Variants in LRMDA observed in about 807,000 individuals in gnomAD.
The protein encoded by LRMDA is leucine-rich melanocyte differentiation-associated protein.
A neutral mutation model predicts 29.8 loss-of-function variants in LRMDA; 18 were observed. The ratio of observed to expected loss-of-function variants is 0.60; its 90% confidence interval spans 0.42 to 0.90. The LOEUF is 0.90. Among genes scored for constraint, LRMDA ranks in the 40% least tolerant of loss-of-function variants. LRMDA has a pLI of 0.00. For missense variants in LRMDA, 273 were observed against 273.9 expected, an observed-to-expected ratio of 1.00 and a Z score of 0.02; for synonymous variants, 125 against 109.4, an observed-to-expected ratio of 1.14 and a Z score of -0.89.
Position 75,442,444 on chromosome 10 carries a change from A to T in LRMDA, c.131+3950A>T, listed in dbSNP as rs149983383. 5.3e-3 allele frequency among the ~76,000 whole-genome samples: 809 copies of T among 152,334 alleles called. 7 individuals carry two copies. The highest frequency in any genetic ancestry group is 0.018 in the African/African-American group (751 of 41,586). ...TCAATTGTTTTGTATATGGTGTGAG[A>T]TAAGAGATCAGTTTTTTCTTCCACA... On this transcript the variant is annotated intron_variant, in intron 2 of 6. Coordinates refer to ENST00000611255, the MANE Select transcript of LRMDA (RefSeq NM_001305581.2).
intron 2 of LRMDA, among the ~76,000 whole-genome samples, chr10:75,915,730 G>A (rs1454570984): frequency 6.6e-6 from 1 of 152,168 alleles, no homozygotes; most frequent in Admixed American, 6.5e-5. Context: ...CCAGGTGACT[G>A]GGCTAGGCAG....
At chr10:76,409,939 C>T (rs181922054) in intron 6 of LRMDA, among the ~76,000 whole-genome samples, 2 of 152,254 alleles carry the variant, frequency 1.3e-5, no homozygotes, top group African/African-American at 4.8e-5. Flanking sequence ...GTTATGGGAA[C>T]ATTTGAAGGA....
intron 2 of LRMDA, among the ~76,000 whole-genome samples, chr10:76,031,657 C>T (rs1009636896): frequency 6.6e-6 from 1 of 152,064 alleles, no homozygotes; most frequent in Non-Finnish European, 1.5e-5. Flanking sequence ...GGTCTGGGGG[C>T]CTAGCCAGGG....
At chr10:76,465,313 G>T (rs553108553) in intron 6 of LRMDA, among the ~76,000 whole-genome samples, 1 of 152,210 alleles carries the variant, frequency 6.6e-6, no homozygotes, top group South Asian at 2.1e-4. Context: ...TGGTTCTTTT[G>T]TGACTTGAGC....
At chr10:76,480,829 T>C (rs780377391) in intron 6 of LRMDA, among the ~76,000 whole-genome samples, 3 of 151,964 alleles carry the variant, frequency 2.0e-5, no homozygotes. Context: ...GGTTTGACTC[T>C]ATGAATAACC....
intron 6 of LRMDA, among the ~76,000 whole-genome samples, chr10:76,376,775 G>C (rs1000939305): frequency 2.8e-5 from 4 of 144,966 alleles, no homozygotes; most frequent in Non-Finnish European, 6.0e-5. Context: ...ACTGGTATAT[G>C]ATGGCATCTC....
At chr10:76,406,061 CAA>C (rs1841898570) in intron 6 of LRMDA, among the ~76,000 whole-genome samples, 1 of 152,200 alleles carries the variant, frequency 6.6e-6, no homozygotes, top group South Asian at 2.1e-4. Flanking sequence ...AATTGCCAAA[CAA>C]GAGGAACAAC....
At chr10:76,197,919 CAA>C (rs574293527) in intron 5 of LRMDA, among the ~76,000 whole-genome samples, 1 of 139,048 alleles carries the variant, frequency 7.2e-6, no homozygotes, top group Non-Finnish European at 1.6e-5. Flanking sequence ...TACTCCATTT[CAA>C]AAAAAAAAAA....
intron 5 of LRMDA, among the ~76,000 whole-genome samples, chr10:76,285,968 C>A (rs1840265986): frequency 6.6e-6 from 1 of 152,108 alleles, no homozygotes; most frequent in Admixed American, 6.6e-5. Context: ...AATCTTTATT[C>A]TGGATATGTG....
intron 6 of LRMDA, among the ~76,000 whole-genome samples, chr10:76,332,462 T>G (rs952042758): frequency 6.6e-6 from 1 of 152,176 alleles, no homozygotes; most frequent in African/African-American, 2.4e-5. Context: ...GAATCTGGTT[T>G]TTCTCTCCCA....
At chr10:76,457,818 C>A (rs145762393) in intron 6 of LRMDA, among the ~76,000 whole-genome samples, 46 of 152,244 alleles carry the variant, frequency 3.0e-4, no homozygotes, top group Admixed American at 2.5e-3. Flanking sequence ...TCCTTAGGAG[C>A]AATCGTTCAG....
At chr10:76,181,366 C>G (rs1021486375) in intron 5 of LRMDA, among the ~76,000 whole-genome samples, 3 of 152,170 alleles carry the variant, frequency 2.0e-5, no homozygotes, top group African/African-American at 7.2e-5. Flanking sequence ...TTTGACTCAT[C>G]GTCAGTACTT....
chr10:75,730,409 C>A (rs1163833016), intron 2 of LRMDA, among the ~76,000 whole-genome samples: 5 of 152,068 alleles, frequency 3.3e-5, no homozygotes, highest in Non-Finnish European at 7.3e-5. Context: ...CCTCCCGACC[C>A]CCGATGGTGC....
chr10:76,275,561 C>T (rs16933152), intron 5 of LRMDA, among the ~76,000 whole-genome samples: 9,299 of 152,012 alleles, frequency 0.061, 774 homozygotes, highest in African/African-American at 0.19. Flanking sequence ...CAAACTGTTG[C>T]TCTGTCAGTA....
intron 2 of LRMDA, among the ~76,000 whole-genome samples, chr10:75,446,751 T>C (rs1020158933): frequency 6.6e-6 from 1 of 152,212 alleles, no homozygotes; most frequent in Admixed American, 6.5e-5. Flanking sequence ...GTCCCTGATA[T>C]TCCATAGGCT....
At chr10:76,231,841 C>G (rs1852064455) in intron 5 of LRMDA, among the ~76,000 whole-genome samples, 2 of 152,180 alleles carry the variant, frequency 1.3e-5, no homozygotes, top group African/African-American at 4.8e-5. Context: ...ATCTCACACA[C>G]AGTTAGTTTG....
At chr10:76,099,561 C>A (rs1407728565) in intron 5 of LRMDA, among the ~76,000 whole-genome samples, 2 of 147,356 alleles carry the variant, frequency 1.4e-5, no homozygotes, top group Admixed American at 6.8e-5. Flanking sequence ...TCCCTCTGAG[C>A]CCTGCTTTAG....
At chr10:76,540,174 T>C (rs1454896611) in intron 6 of LRMDA, among the ~76,000 whole-genome samples, 1 of 152,012 alleles carries the variant, frequency 6.6e-6, no homozygotes, top group East Asian at 1.9e-4. Flanking sequence ...ACGCAAAACA[T>C]GCAACACACA....
intron 2 of LRMDA, among the ~76,000 whole-genome samples, chr10:76,032,005 G>C (rs775469709): frequency 7.2e-5 from 11 of 152,214 alleles, no homozygotes; most frequent in Non-Finnish European, 1.6e-4. Context: ...TAGATCCAAG[G>C]ATTGATCCAG....
Sources: allele counts gnomAD v4.1 joint callset (sites outside exome capture counted in the v4.1 genomes callset), GRCh38; gene constraint gnomAD v4.1.1; transcripts MANE v1.5; gene names NCBI Gene and HGNC (gene_info 2026-07-23, HGNC 2026-07-21).